MYO15A: variants seen among roughly 807,000 people sequenced by gnomAD.
The protein encoded by MYO15A is myosin XVA.
A neutral mutation model predicts 394.6 loss-of-function variants in MYO15A; 308 were observed. That is an observed-to-expected ratio of 0.78 (90% CI 0.71 to 0.86). The LOEUF (loss-of-function observed/expected upper bound fraction) is 0.86, where lower values mean the gene tolerates loss of function less well. MYO15A is among the 40% of genes least tolerant of loss of function. The pLI, the probability that MYO15A is intolerant of heterozygous loss-of-function variation, is 0.00. For missense variants in MYO15A, 4,606 were observed against 4,799.1 expected (o/e 0.96, Z 1.19); for synonymous variants, 1,957 against 2,003.8 (o/e 0.98, Z 0.62).
chr17:18,154,513 G>A (rs556569803), intron 44 of MYO15A, among the ~76,000 whole-genome samples, 167 bp from the exon 45 acceptor site: 7 of 152,294 alleles, frequency 4.6e-5, no homozygotes, highest in African/African-American at 1.7e-4. Flanking sequence ...AGAAAGGAGA[G>A]GGCCCTGTAA....
chr17:18,134,707 A>T (rs939994656), intron 12 of MYO15A, among the ~76,000 whole-genome samples: 4 of 152,216 alleles, frequency 2.6e-5, no homozygotes, highest in Admixed American at 1.3e-4. Context: ...ACATAGCAAG[A>T]CCTCATCTCT....
Position 18,120,180 on chromosome 17 carries a change from G to A in MYO15A, c.1380G>A (p.Gln460=). ...FRLPSAAFFE[Q]QGMDKPARSK... ...TGCCCAGCGCCGCCTTCTTCGAGCAGCAAGGCATGGATAAGCCCGCCAGGT... is the reference window on the plus strand; with the variant it reads ...TGCCCAGCGCCGCCTTCTTCGAGCAACAAGGCATGGATAAGCCCGCCAGGT... Residue 460 remains glutamine, a synonymous_variant, in exon 2 of 66, where the codon CAG becomes CAA. Coordinates refer to ENST00000647165, the MANE Select transcript of MYO15A (RefSeq NM_016239.4). 6.2e-7 allele frequency: 1 copy of A among 1,612,928 alleles called. No homozygotes were observed. The highest frequency in any genetic ancestry group is 8.5e-7 in the Non-Finnish European group (1 of 1,180,004).
intron 2 of MYO15A, chr17:18,122,975 A>G (rs2045965338): frequency 6.5e-6 from 1 of 154,982 alleles, no homozygotes; most frequent in African/African-American, 2.4e-5. Context: ...TCCTCATTGC[A>G]CAGAGGGAAA....
intron 29 of MYO15A, 99 bp downstream of exon 29, chr17:18,144,691 C>A: frequency 9.0e-7 from 1 of 1,115,172 alleles, no homozygotes; most frequent in Non-Finnish European, 1.3e-6. Flanking sequence ...CAAGCCCAAC[C>A]CATGAGCCCC....
intron 12 of MYO15A, among the ~76,000 whole-genome samples, chr17:18,134,806 G>A (rs1229383596): frequency 6.6e-6 from 1 of 152,208 alleles, no homozygotes; most frequent in Non-Finnish European, 1.5e-5. Context: ...AATTCCAGAC[G>A]TTCTATTGTG....
intron 10 of MYO15A, among the ~76,000 whole-genome samples, chr17:18,131,738 C>T (rs1172312683): frequency 1.3e-5 from 2 of 152,116 alleles, no homozygotes; most frequent in African/African-American, 2.4e-5. Flanking sequence ...CACACAGGCA[C>T]GCTCCTGCCA....
chr17:18,150,429 G>A lies in MYO15A; in HGVS notation c.7213G>A (p.Asp2405Asn), dbSNP rs1457841831. 1 of 1,614,002 alleles carries A rather than the reference G, an allele frequency of 6.2e-7. No homozygotes were observed. Among genetic ancestry groups the A allele is most frequent in the Non-Finnish European group, 8.5e-7 (1 of 1,179,902 alleles). The stretch of plus-strand genomic sequence containing the variant: ...CACTTGAGCCACCCACTGCCCCCAG[G>A]ACCTGGAGAAGCCAACAGCCATTGC... ...FDPVLSYGDA[D>N]LEKPTAIAYR... The change falls in exon 36 of 66, where the codon GAC becomes AAC. Residue 2405 changes from aspartate (D) to asparagine (N), a missense_variant and splice_region_variant. Asp to Asn is a conservative substitution (Grantham distance 23). Coordinates refer to ENST00000647165, the MANE Select transcript of MYO15A (RefSeq NM_016239.4). This position sits in a 1 kb window ranked among gnomAD's most constrained non-coding sequence, Gnocchi z 4.4.
intron 65 of MYO15A, chr17:18,178,356 G>A (rs2047043769): frequency 3.2e-6 from 1 of 309,980 alleles, no homozygotes; most frequent in Non-Finnish European, 6.4e-6. Flanking sequence ...GCGACAGAGC[G>A]AAACTCCATC....
In MYO15A at chr17:18,130,817, AGTGTGTGTGT is replaced by A. The variant is rs59214589; in HGVS notation, c.4038+52_4038+61del. On this transcript the variant is annotated splice_region_variant and intron_variant, in intron 8 of 65. Transcript: ENST00000647165. ...GACGCTCTTGAAGATAAAGGTACTC[AGTGTGTGTGT>A]GTGTGTGTGTGTGTGTGTGTGTGTG... The A allele has an allele frequency of 8.8e-3, 10,457 of 1,192,268 alleles. 32 individuals carry two copies. Among genetic ancestry groups the A allele is most frequent in the South Asian group, 0.013 (936 of 72,978 alleles). 73.9% of individuals were successfully genotyped at this position (1,192,268 alleles called of 1,614,324 possible).
At chr17:18,139,488 G>A (rs1349013192) in intron 18 of MYO15A, 46 bp from the exon 19 acceptor site, 2 of 1,593,240 alleles carry the variant, frequency 1.3e-6, no homozygotes, top group South Asian at 1.1e-5. Flanking sequence ...AGGATAGACA[G>A]AGAGACAGAG....
At position 18,143,993 on chromosome 17, in the gene MYO15A, A is replaced by C. The variant is rs876657902; in HGVS notation, c.6170A>C (p.His2057Pro). ...NYPMAKFVQCHFKEPAFGMLT... is the reference protein window; with the variant it reads ...NYPMAKFVQCPFKEPAFGMLT... ...CCTATGGCCAAGTTTGTCCAGTGCC[A>C]CTTCAAGGTAAGGGCTAGCTGAAGT... The change falls in exon 28 of 66, where the codon CAC (histidine) becomes CCC (proline). Residue 2057 changes from histidine (H) to proline (P), a missense_variant. Physicochemically the swap from His to Pro is moderately conservative, Grantham distance 77. Transcript: ENST00000647165. The C allele has an allele frequency of 7.4e-6, 12 of 1,613,386 alleles. No homozygotes were observed. The highest frequency in any genetic ancestry group is 1.0e-5 in the Non-Finnish European group (12 of 1,179,992).
Position 18,149,516 on chromosome 17 carries a change from C to T in MYO15A, c.7148C>T (p.Pro2383Leu). Residue 2383 changes from proline to leucine, a missense_variant, in exon 35 of 66, where the codon CCC becomes CTC. Around this residue, in one of 2 missense-constraint regions of MYO15A, gnomAD observed 2,776 missense variants for 3,109.3 expected, o/e 0.89. Coordinates refer to ENST00000647165, the MANE Select transcript of MYO15A (RefSeq NM_016239.4). ...ESDSLGEPAVPHKGLDCYLDS... is the reference protein window; with the variant it reads ...ESDSLGEPAVLHKGLDCYLDS... ...GACAGTCTTGGAGAGCCTGCTGTGC[C>T]CCACAAGGGGCTGGACTGCTACCTG... 6.2e-7 allele frequency: 1 copy of T among 1,614,164 alleles called. No individual in the cohort carries two copies. Among genetic ancestry groups the T allele is most frequent in the South Asian group, 1.1e-5 (1 of 91,082 alleles).
rs913090043 is a variant in MYO15A, at chr17:18,120,997, C to T, written c.2197C>T (p.Pro733Ser). The T allele has an allele frequency of 6.6e-7, 1 of 1,507,204 alleles. No homozygotes were observed. The highest frequency in any genetic ancestry group is 1.2e-5 in the South Asian group (1 of 81,144). 93.4% of individuals were successfully genotyped at this position (1,507,204 alleles called of 1,614,324 possible). A position where few individuals can be genotyped will look rare whatever the true frequency, so the allele number is the denominator to read the frequency against. The part of the protein sequence containing the change: ...EPPAVSPEVP[P>S]DLLAFPGPRP... ...CCCTGCCGTGAGCCCGGAGGTGCCCCCCGACCTACTAGCCTTCCCAGGGCC... is the reference window on the plus strand; with the variant it reads ...CCCTGCCGTGAGCCCGGAGGTGCCCTCCGACCTACTAGCCTTCCCAGGGCC... The change falls in exon 2 of 66, where the codon CCC becomes TCC. Residue 733 changes from proline (P) to serine (S), a missense_variant. This residue lies in a region of MYO15A where 1,830 missense variants were observed against 1,689.7 expected (regional missense o/e 1.08). Transcript: ENST00000647165.
At chr17:18,168,562 C>T (rs1301487310) in intron 62 of MYO15A, among the ~76,000 whole-genome samples, 5 of 134,220 alleles carry the variant, frequency 3.7e-5, no homozygotes, top group Admixed American at 1.5e-4. Context: ...AGCAAGACTC[C>T]GTCTCAAAAA....
rs986285197 is a variant in MYO15A at position 18,121,314 on chromosome 17, GC to G, written c.2516del (p.Pro839ArgfsTer24). On this transcript the variant is annotated frameshift_variant, in exon 2 of 66. Coordinates refer to ENST00000647165, the MANE Select transcript of MYO15A (RefSeq NM_016239.4). LOFTEE classifies it high-confidence loss of function. The surrounding 1 kb of genome is among the most constrained non-coding windows in gnomAD (Gnocchi z 5.3). Reference protein sequence around the residue: ...AAGRLGPPGSPLPGSPRPPSP... With the variant: ...AAGRLGPPGSXLPGSPRPPSP... ...CTGGGCGCCTGGGCCCACCCGGCTCGCCGCTGCCGGGCTCACCCAGGCCGCC... is the reference window on the plus strand; with the variant it reads ...CTGGGCGCCTGGGCCCACCCGGCTCGCGCTGCCGGGCTCACCCAGGCCGCC... 1.5e-6 allele frequency: 2 copies of G among 1,326,834 alleles called. No individual in the cohort carries two copies. The highest frequency in any genetic ancestry group is 9.6e-7 in the Non-Finnish European group (1 of 1,044,022). 82.2% of individuals were successfully genotyped at this position (1,326,834 alleles called of 1,614,324 possible). A position where few individuals can be genotyped will look rare whatever the true frequency, so the allele number is the denominator to read the frequency against.
chr17:18,130,734 G>A lies in MYO15A; in HGVS notation c.4033-71G>A, dbSNP rs573523317. ...CTCCTAGTCTCCTGGAGAGAGTGGT[G>A]GTCGGTCCTGCTAGTGACTCCATTC... is the stretch of plus-strand genomic sequence containing the variant. On this transcript the variant is annotated intron_variant, in intron 7 of 65. Coordinates refer to ENST00000647165, the MANE Select transcript of MYO15A (RefSeq NM_016239.4). The A allele has an allele frequency of 8.0e-5, 129 of 1,610,678 alleles. 1 individual carries two copies. The East Asian group carries it at 2.8e-3, about 35-fold the overall frequency.
chr17:18,128,831 G>T (rs1482774154), intron 7 of MYO15A, among the ~76,000 whole-genome samples: 2 of 152,120 alleles, frequency 1.3e-5, no homozygotes, highest in Admixed American at 6.5e-5. Context: ...CCATGGCAGA[G>T]AGCTGTCAGG....
chr17:18,133,527 G>T, intron 12 of MYO15A, 141 bp downstream of exon 12: 1 of 1,190,482 alleles, frequency 8.4e-7, no homozygotes, highest in African/African-American at 1.5e-5. Flanking sequence ...CTTTGGGGTT[G>T]TTCATCTTTT....
At position 18,139,631 on chromosome 17, in the gene MYO15A, G is replaced by T; in HGVS notation, c.5211+20G>T. On this transcript the variant is annotated intron_variant, in intron 19 of 65. Transcript: ENST00000647165. ...ACACGGGTAAGCCTCGCCTCCCACC[G>T]CTCTGGCCCTGCCCCCAGGCATGTC... 6.2e-7 allele frequency: 1 copy of T among 1,612,782 alleles called. No individual in the cohort carries two copies. The highest frequency in any genetic ancestry group is 2.2e-5 in the East Asian group (1 of 44,862).
Sources: allele counts gnomAD v4.1 joint callset (sites outside exome capture counted in the v4.1 genomes callset), GRCh38; gene constraint gnomAD v4.1.1; regional missense constraint gnomAD v4.1.1; non-coding constraint Gnocchi (gnomAD v3.1); transcripts MANE v1.5; gene names NCBI Gene and HGNC (gene_info 2026-07-23, HGNC 2026-07-21).